The following CRYBG3 variants were observed in gnomAD, a reference collection of about 807,000 sequenced individuals.
The protein encoded by CRYBG3 is very large A-kinase anchor protein.
In CRYBG3, 127 loss-of-function variants were observed where a neutral mutation model predicts 244.2. The ratio of observed to expected loss-of-function variants is 0.52; its 90% CI spans 0.45 to 0.60. The LOEUF (loss-of-function observed/expected upper bound fraction) is 0.60, where lower values mean the gene tolerates loss of function less well. CRYBG3 is among the 20% of genes least tolerant of loss of function. CRYBG3 has a pLI of 0.00. For synonymous variants in CRYBG3, 1,132 were observed against 1,195.8 expected, an observed-to-expected ratio of 0.95 and a Z score of 1.10; for missense variants, 3,325 against 3,442.5, an observed-to-expected ratio of 0.97 and a Z score of 0.85.
At chr3:97,910,454 A>C (rs2039856138) in intron 15 of CRYBG3, among the ~76,000 whole-genome samples, 1 of 152,240 alleles carries the variant, frequency 6.6e-6, no homozygotes, top group Non-Finnish European at 1.5e-5. Flanking sequence ...CTCGTGGTGT[A>C]CCGTTTTTTA....
intron 9 of CRYBG3, 26 bp from the exon 10 acceptor site, chr3:97,889,329 A>T: frequency 6.4e-7 from 1 of 1,558,764 alleles, no homozygotes; most frequent in Admixed American, 1.7e-5. Flanking sequence ...TACCTGTCTA[A>T]TATTAAACTA....
chr3:97,831,082 A>C (rs1296938987), intron 1 of CRYBG3, among the ~76,000 whole-genome samples: 1 of 152,202 alleles, frequency 6.6e-6, no homozygotes, highest in Non-Finnish European at 1.5e-5. Context: ...CAGGGGGAAA[A>C]AATTGATTAC....
chr3:97,907,708 C>A (rs1241851786), intron 15 of CRYBG3, among the ~76,000 whole-genome samples: 1 of 151,804 alleles, frequency 6.6e-6, no homozygotes, highest in Admixed American at 6.6e-5. Context: ...CTCCTGGATT[C>A]ATTAATTTTT....
At chr3:97,880,239 TTA>T (rs1198162410) in intron 6 of CRYBG3, 139 bp downstream of exon 6, 1 of 564,336 alleles carries the variant, frequency 1.8e-6, no homozygotes, top group Admixed American at 3.4e-5. Flanking sequence ...TGAAACATTA[TTA>T]TTAGTGTGTT....
chr3:97,901,295 T>A (rs2039704575), intron 15 of CRYBG3, among the ~76,000 whole-genome samples: 1 of 152,180 alleles, frequency 6.6e-6, no homozygotes, highest in Non-Finnish European at 1.5e-5. Context: ...TCAGAAAAAT[T>A]GTTGTCAAAA....
At chr3:97,827,480 A>G (rs541365515) in intron 1 of CRYBG3, among the ~76,000 whole-genome samples, 45 of 152,324 alleles carry the variant, frequency 3.0e-4, no homozygotes, top group Admixed American at 6.5e-4. Context: ...TCCATCCAGC[A>G]GGACTGTCCC....
At chr3:97,880,975 G>C (rs2039439452) in intron 6 of CRYBG3, 97 bp from the exon 7 acceptor site, 2 of 923,470 alleles carry the variant, frequency 2.2e-6, no homozygotes, top group African/African-American at 3.4e-5. Context: ...AGATATCCCA[G>C]CTTAAAAAAT....
intron 11 of CRYBG3, among the ~76,000 whole-genome samples, chr3:97,893,687 G>A (rs144028284): frequency 7.3e-4 from 111 of 152,312 alleles, no homozygotes; most frequent in African/African-American, 2.4e-3. Flanking sequence ...GAAACATTCT[G>A]TTGTCTCTCT....
chr3:97,834,931 AG>A (rs2038711009), intron 1 of CRYBG3, among the ~76,000 whole-genome samples: 1 of 152,184 alleles, frequency 6.6e-6, no homozygotes, highest in Non-Finnish European at 1.5e-5. Context: ...AGGACGAAAA[AG>A]CAAAAGCACA....
chr3:97,864,255 G>T lies in CRYBG3; in HGVS notation c.255G>T (p.Lys85Asn). ...AGGACAAAAGGAACCATGCTGAGAAGCCAGTCACTCTTCCAGTGCAGGAAG... is the reference window on the plus strand; with the variant it reads ...AGGACAAAAGGAACCATGCTGAGAATCCAGTCACTCTTCCAGTGCAGGAAG... ...QSEDKRNHAE[K>N]PVTLPVQEDP... The change falls in exon 3 of 22, where the codon AAG becomes AAT. Residue 85 changes from lysine (K) to asparagine (N), a missense_variant. Lys to Asn is a moderately conservative substitution (Grantham distance 94). This residue lies in a region of CRYBG3 where 1,526 missense variants were observed against 1,443.2 expected (regional missense o/e 1.06). Transcript: ENST00000389622. 6.6e-7 allele frequency: 1 copy of T among 1,522,906 alleles called. No individual in the cohort carries two copies. The highest frequency in any genetic ancestry group is 8.8e-7 in the Non-Finnish European group (1 of 1,142,596). The allele number at this position is 1,522,906 out of a possible 1,614,324, so 94.3% of individuals were successfully genotyped here.
chr3:97,914,556 G>C (rs2039907100), intron 16 of CRYBG3, among the ~76,000 whole-genome samples: 1 of 152,098 alleles, frequency 6.6e-6, no homozygotes, highest in Non-Finnish European at 1.5e-5. Context: ...TTTGAGCCCA[G>C]TTCCACCATT....
At position 97,936,808 on chromosome 3, in the gene CRYBG3, A is replaced by G; in HGVS notation, c.8405A>G (p.Asn2802Ser). The G allele has an allele frequency of 3.1e-6, 5 of 1,612,962 alleles. No homozygotes were observed. The highest frequency in any genetic ancestry group is 2.7e-5 in the African/African-American group (2 of 74,926). ...AGATGGATAGCTTATGAAGGATCCA[A>G]TTTCTTGGGAAGACAAATCCTACTC... The part of the protein sequence containing the change: ...SGLWIAYEGS[N>S]FLGRQILLRP... The change falls in exon 19 of 22, where the codon AAT becomes AGT. Residue 2802 changes from asparagine to serine, a missense_variant. By Grantham distance (46) the Asn-to-Ser change is conservative (BLOSUM62 1). This residue lies in a region of CRYBG3 where 714 missense variants were observed against 803.6 expected (regional missense o/e 0.89). Coordinates refer to ENST00000389622, the MANE Select transcript of CRYBG3 (RefSeq NM_153605.4).
At chr3:97,858,826 G>T (rs1373184825) in intron 2 of CRYBG3, among the ~76,000 whole-genome samples, 3 of 151,618 alleles carry the variant, frequency 2.0e-5, no homozygotes, top group Non-Finnish European at 4.4e-5. Flanking sequence ...TTCTTTTCTT[G>T]GTTGTCTGTT....
rs767180193 is a variant in CRYBG3, at chr3:97,872,821, A to G, written c.1627A>G (p.Ser543Gly). Reference sequence around the variant, plus strand: ...CTCAGCTGGTGAATCCATAGCTTCAAGTCATGTAAAAGCTCCAGAAGATAA... The same window carrying G: ...CTCAGCTGGTGAATCCATAGCTTCAGGTCATGTAAAAGCTCCAGAAGATAA... ...SASAGESIAS[S>G]HVKAPEDKIE... Residue 543 changes from serine (S) to glycine (G), a missense_variant, in exon 4 of 22, where the codon AGT (serine) becomes GGT (glycine). Ser to Gly is a moderately conservative substitution (Grantham distance 56). This residue lies in a region of CRYBG3 where 1,526 missense variants were observed against 1,443.2 expected (regional missense o/e 1.06). Coordinates refer to ENST00000389622, the MANE Select transcript of CRYBG3 (RefSeq NM_153605.4). The G allele has an allele frequency of 5.2e-6, 8 of 1,535,892 alleles. No homozygotes were observed. Among genetic ancestry groups the G allele is most frequent in the Non-Finnish European group, 7.0e-6 (8 of 1,146,824 alleles).
Position 97,873,175 on chromosome 3 carries a change from T to C in CRYBG3, c.1981T>C (p.Ser661Pro), listed in dbSNP as rs1005257389. ...NFSISPPTFV[S>P]GVGMLSKLDI... ...CAGTATTTCACCTCCTACCTTTGTT[T>C]CTGGAGTTGGGATGCTGAGCAAGTT... Residue 661 changes from serine to proline, a missense_variant, in exon 4 of 22, where the codon TCT becomes CCT. Physicochemically the swap from Ser to Pro is moderately conservative, Grantham distance 74. Around this residue, in one of 4 missense-constraint regions of CRYBG3, gnomAD observed 1,526 missense variants for 1,443.2 expected, o/e 1.06. Transcript: ENST00000389622. 1.8e-5 allele frequency: 27 copies of C among 1,535,848 alleles called. No individual in the cohort carries two copies. Among genetic ancestry groups the C allele is most frequent in the Non-Finnish European group, 2.3e-5 (26 of 1,146,812 alleles).
In CRYBG3 at chr3:97,877,184, C is replaced by T; in HGVS notation, c.5990C>T (p.Ser1997Phe). 6.2e-7 allele frequency: 1 copy of T among 1,613,906 alleles called. No homozygotes were observed. Among genetic ancestry groups the T allele is most frequent in the South Asian group, 1.1e-5 (1 of 91,066 alleles). The change falls in exon 4 of 22, where the codon TCT (serine) becomes TTT (phenylalanine). Residue 1997 changes from serine to phenylalanine, a missense_variant. Coordinates refer to ENST00000389622, the MANE Select transcript of CRYBG3 (RefSeq NM_153605.4). ...GTTTCTCAAGATGAACAAGAAAATT[C>T]TTCCTTTACTATATTATACGAAGAG... Reference protein sequence around the residue: ...AFVSQDEQENSSFTILYEEPL... With the variant: ...AFVSQDEQENFSFTILYEEPL...
chr3:97,851,959 C>T (rs1468977949), intron 2 of CRYBG3, among the ~76,000 whole-genome samples: 1 of 152,136 alleles, frequency 6.6e-6, no homozygotes, highest in Admixed American at 6.5e-5. Flanking sequence ...CTGATGTTTT[C>T]TCTGACTTTA....
At chr3:97,910,334 C>T (rs1378501022) in intron 15 of CRYBG3, among the ~76,000 whole-genome samples, 1 of 152,228 alleles carries the variant, frequency 6.6e-6, no homozygotes, top group Admixed American at 6.5e-5. Flanking sequence ...ATGGCGGGCA[C>T]CCCTCCCCCA....
chr3:97,872,680 C>G lies in CRYBG3; in HGVS notation c.1486C>G (p.Leu496Val). 1 of 1,535,904 alleles carries G rather than the reference C, an allele frequency of 6.5e-7. No individual in the cohort carries two copies. Among genetic ancestry groups the G allele is most frequent in the Non-Finnish European group, 8.7e-7 (1 of 1,146,750 alleles). ...QAATHTNIIA[L>V]QRHAVTDTEF... ...TGCCACTCACACCAATATCATTGCT[C>G]TTCAGAGACATGCTGTGACAGACAC... is the stretch of plus-strand genomic sequence containing the variant. Residue 496 changes from leucine to valine, a missense_variant, in exon 4 of 22, where the codon CTT becomes GTT. By Grantham distance (32) the Leu-to-Val change is conservative. This residue lies in a region of CRYBG3 where 1,526 missense variants were observed against 1,443.2 expected (regional missense o/e 1.06). Coordinates refer to ENST00000389622, the MANE Select transcript of CRYBG3 (RefSeq NM_153605.4).
Sources: gnomAD v4.1 joint callset for allele counts (sites outside exome capture counted in the v4.1 genomes callset) on GRCh38, gnomAD v4.1.1 for gene constraint, gnomAD v4.1.1 regional missense constraint, MANE v1.5 for transcripts, NCBI Gene and HGNC (gene_info 2026-07-23, HGNC 2026-07-21) for gene names.